PHF14: variants seen among roughly 807,000 people sequenced by gnomAD.
PHF14 encodes the protein PHD finger protein 14.
In PHF14, 55 loss-of-function variants were observed where a neutral mutation model predicts 117.9. That is an observed-to-expected ratio of 0.47 (90% CI 0.38 to 0.58). PHF14 has a LOEUF of 0.58. Ranked by LOEUF, PHF14 falls within the 20% of genes least tolerant of loss-of-function variation. PHF14 has a pLI of 0.00. For synonymous variants in PHF14, 409 were observed against 368.6 expected (o/e 1.11, Z -1.26); for missense variants, 978 against 1,122.2 (o/e 0.87, Z 1.84).
intron 16 of PHF14, chr7:11,102,409 A>G: frequency 2.0e-6 from 3 of 1,511,356 alleles, no homozygotes; most frequent in Non-Finnish European, 2.7e-6. Flanking sequence ...GTTTGTTAGT[A>G]TGTTTCATAA....
intron 16 of PHF14, chr7:11,104,482 A>C (rs749041239): frequency 7.2e-4 from 702 of 980,660 alleles, no homozygotes; most frequent in Non-Finnish European, 8.1e-4. Context: ...ATGTGTGCTT[A>C]AGAAAATATG....
At position 10,982,957 on chromosome 7, in the gene PHF14, A is replaced by G; in HGVS notation, c.698A>G (p.Asp233Gly). The G allele has an allele frequency of 6.3e-7, 1 of 1,595,876 alleles. No homozygotes were observed. Among genetic ancestry groups the G allele is most frequent in the African/African-American group, 1.3e-5 (1 of 74,728 alleles). Residue 233 changes from aspartate to glycine, a missense_variant, in exon 3 of 18, where the codon GAT becomes GGT. Coordinates refer to ENST00000634607, the MANE Select transcript of PHF14 (RefSeq NM_001007157.2). Reference protein sequence around the residue: ...GRSASQKEGSDGDNEDDEDEG... With the variant: ...GRSASQKEGSGGDNEDDEDEG... ...TCTGCGTCTCAGAAAGAGGGAAGTGATGGAGACAATGAGGATGATGAAGAT... is the reference window on the plus strand; with the variant it reads ...TCTGCGTCTCAGAAAGAGGGAAGTGGTGGAGACAATGAGGATGATGAAGAT...
Position 11,130,028 on chromosome 7 carries a change from T to G in PHF14, c.2772+18561T>G, listed in dbSNP as rs749384661. 6.6e-6 allele frequency among the ~76,000 whole-genome samples: 1 copy of G among 152,044 alleles called. No individual in the cohort carries two copies. The highest frequency in any genetic ancestry group is 1.5e-5 in the Non-Finnish European group (1 of 67,970). On this transcript the variant is annotated intron_variant, in intron 17 of 17. Coordinates refer to ENST00000634607, the MANE Select transcript of PHF14 (RefSeq NM_001007157.2). The surrounding 1 kb of genome is among the most constrained non-coding windows in gnomAD (Gnocchi z 4.2). ...AAAAAAAAGAATCCCAAATTTTTAG[T>G]TGATTAATATAAGTTGATTTCTCAT...
At chr7:11,131,722 A>G (rs879827597) in intron 17 of PHF14, among the ~76,000 whole-genome samples, 12 of 151,636 alleles carry the variant, frequency 7.9e-5, no homozygotes, top group East Asian at 3.9e-4. Flanking sequence ...ATTTTCTACT[A>G]TGTTGTCTTC....
Position 11,040,715 on chromosome 7 carries a change from A to C in PHF14, c.2120A>C (p.Lys707Thr). 8 of 1,571,050 alleles carry C rather than the reference A, an allele frequency of 5.1e-6. No homozygotes were observed. The highest frequency in any genetic ancestry group is 6.9e-6 in the Non-Finnish European group (8 of 1,157,072). The part of the protein sequence containing the change: ...PAILRAPKER[K>T]PSKKEGGTQK... ...ATTTTGCGAGCACCCAAGGAGAGAAAACCAAGTAAAAAAGAAGGAGGCACA... is the reference window on the plus strand; with the variant it reads ...ATTTTGCGAGCACCCAAGGAGAGAACACCAAGTAAAAAAGAAGGAGGCACA... The change falls in exon 12 of 18, where the codon AAA becomes ACA. Residue 707 changes from lysine (K) to threonine (T), a missense_variant. By Grantham distance (78) the Lys-to-Thr change is moderately conservative. Around this residue, in one of 7 missense-constraint regions of PHF14, gnomAD observed 237 missense variants for 276.4 expected, o/e 0.86. Coordinates refer to ENST00000634607, the MANE Select transcript of PHF14 (RefSeq NM_001007157.2).
chr7:11,041,259 A>T (rs890377960), intron 12 of PHF14, among the ~76,000 whole-genome samples: 1 of 151,894 alleles, frequency 6.6e-6, no homozygotes. Flanking sequence ...CTTTGTTCGC[A>T]TAAGTATTTT....
chr7:10,983,940 TTGTCTG>T (rs927557302), intron 3 of PHF14, among the ~76,000 whole-genome samples: 65 of 152,270 alleles, frequency 4.3e-4, no homozygotes, highest in South Asian at 8.3e-4. Flanking sequence ...TTGTGTCTCT[TTGTCTG>T]TGTGTTTTTG....
Position 10,982,795 on chromosome 7 carries a change from A to C in PHF14, c.536A>C (p.Glu179Ala). Residue 179 changes from glutamate (E) to alanine (A), a missense_variant, in exon 3 of 18, where the codon GAG becomes GCG. By Grantham distance (107) the Glu-to-Ala change is moderately radical (BLOSUM62 -1). This residue lies in a region of PHF14 where 414 missense variants were observed against 376.4 expected (regional missense o/e 1.10). Transcript: ENST00000634607. ...TTTATEEQVS[E>A]PKKWNLRRNR... ...ACCGCTACAGAGGAACAAGTCAGCG[A>C]GCCAAAAAAATGGAACCTTCGACGA... The C allele has an allele frequency of 6.2e-7, 1 of 1,613,962 alleles. No individual in the cohort carries two copies. Among genetic ancestry groups the C allele is most frequent in the Non-Finnish European group, 8.5e-7 (1 of 1,179,880 alleles).
At chr7:11,018,028 C>T (rs1783591786) in intron 5 of PHF14, among the ~76,000 whole-genome samples, 1 of 152,022 alleles carries the variant, frequency 6.6e-6, no homozygotes, top group African/African-American at 2.4e-5. Context: ...TGTCTTTTCC[C>T]ATATATATGT....
chr7:11,017,656 C>A lies in PHF14; in HGVS notation c.1205+3750C>A, dbSNP rs541128826. Among the ~76,000 whole-genome samples, 6 of 151,928 alleles carry A rather than the reference C, an allele frequency of 3.9e-5. No homozygotes were observed. In the South Asian group the frequency reaches 1.2e-3, roughly 32 times the overall value. On this transcript the variant is annotated intron_variant, in intron 5 of 17. Transcript: ENST00000634607. ...CTCCTTGTATATTCTGGTTATTTAT[C>A]CCTTGTTAGTTGGGTAATTTGCAAA...
chr7:11,150,973 GAAAAGT>G (rs902750470), intron 17 of PHF14, among the ~76,000 whole-genome samples: 96 of 152,030 alleles, frequency 6.3e-4, no homozygotes, highest in African/African-American at 2.1e-3. Context: ...TACTTTAAAA[GAAAAGT>G]AAAAGAACTA....
chr7:10,997,107 T>C (rs1451789479), intron 4 of PHF14, among the ~76,000 whole-genome samples: 2 of 152,228 alleles, frequency 1.3e-5, no homozygotes, highest in Non-Finnish European at 2.9e-5. Context: ...TCTATCCCTT[T>C]CTGTCTGTAT....
intron 14 of PHF14, among the ~76,000 whole-genome samples, chr7:11,060,073 C>T (rs1048016202): frequency 1.3e-5 from 2 of 152,182 alleles, no homozygotes; most frequent in South Asian, 4.2e-4. Flanking sequence ...GATAAGGTCT[C>T]TCTGTGTTGC....
At chr7:11,008,476 T>A (rs1783207258) in intron 4 of PHF14, among the ~76,000 whole-genome samples, 1 of 152,088 alleles carries the variant, frequency 6.6e-6, no homozygotes. Context: ...AGCATTGGAT[T>A]CTCCTGGAAG....
intron 5 of PHF14, among the ~76,000 whole-genome samples, chr7:11,022,224 T>C (rs1346696317): frequency 1.3e-5 from 2 of 152,176 alleles, no homozygotes; most frequent in African/African-American, 4.8e-5. Flanking sequence ...AATATTTATA[T>C]TTGGGGCATA....
rs1785280477 is a variant in PHF14 at position 11,062,873 on chromosome 7, T to TA, written c.2654+789dup. ...GTGTCACAAAAGTTCTTACAGTTCTTACAGGGACTTTGTAAGGGAATCCAT... is the reference window on the plus strand; with the variant it reads ...GTGTCACAAAAGTTCTTACAGTTCTTAACAGGGACTTTGTAAGGGAATCCAT... On this transcript the variant is annotated intron_variant, in intron 16 of 17. Transcript: ENST00000634607. The TA allele has an allele frequency of 4.1e-6, 4 of 984,478 alleles. No individual in the cohort carries two copies. The South Asian group carries it at 1.9e-4, about 46-fold the overall frequency. The allele number at this position is 984,478 out of a possible 1,614,324, so 61.0% of individuals were successfully genotyped here.
intron 4 of PHF14, among the ~76,000 whole-genome samples, chr7:10,994,807 G>C (rs1169947397): frequency 6.6e-6 from 1 of 152,142 alleles, no homozygotes; most frequent in Non-Finnish European, 1.5e-5. Context: ...TTCGCGGTGA[G>C]TGTTACAGCT....
chr7:11,007,237 T>C (rs891079992), intron 4 of PHF14, among the ~76,000 whole-genome samples: 10 of 152,148 alleles, frequency 6.6e-5, no homozygotes, highest in African/African-American at 2.4e-4. Flanking sequence ...TATTAGGTTC[T>C]CTTTTTTTCT....
intron 13 of PHF14, among the ~76,000 whole-genome samples, chr7:11,044,482 C>T (rs1403924626): frequency 2.0e-5 from 3 of 152,066 alleles, no homozygotes; most frequent in East Asian, 3.9e-4. Flanking sequence ...CCTTTAATTT[C>T]TCCTTGTTTC....
Sources: gnomAD v4.1 joint callset for allele counts (sites outside exome capture counted in the v4.1 genomes callset) on GRCh38, gnomAD v4.1.1 for gene constraint, gnomAD v4.1.1 regional missense constraint, Gnocchi (gnomAD v3.1) non-coding constraint, MANE v1.5 for transcripts, NCBI Gene and HGNC (gene_info 2026-07-23, HGNC 2026-07-21) for gene names.